SPG11: variants seen among roughly 807,000 people sequenced by gnomAD.
SPG11 encodes SPG11 vesicle trafficking associated, spatacsin.
Under a neutral mutation model 274.0 loss-of-function variants are expected in SPG11, and 222 were observed. The ratio of observed to expected loss-of-function variants is 0.81; its 90% confidence interval spans 0.73 to 0.91. The LOEUF is 0.91. Among genes scored for constraint, SPG11 ranks in the 40% least tolerant of loss-of-function variants. SPG11 has a pLI of 0.00. For missense variants in SPG11, 3,114 were observed against 2,872.7 expected (o/e 1.08, Z -1.92); for synonymous variants, 1,144 against 1,039.7 (o/e 1.10, Z -1.93).
chr15:44,657,976 G>A (rs986197838), intron 3 of SPG11, among the ~76,000 whole-genome samples: 6 of 152,298 alleles, frequency 3.9e-5, no homozygotes, highest in Admixed American at 2.0e-4. Context: ...GCAGTGAGCC[G>A]AGATCACGCC....
intron 10 of SPG11, among the ~76,000 whole-genome samples, chr15:44,627,158 C>A (rs534640312): frequency 6.6e-6 from 1 of 152,172 alleles, no homozygotes; most frequent in Admixed American, 6.5e-5. Context: ...TATATATTTA[C>A]AGAAAAATAT....
At chr15:44,663,242 GCTCGC>G in intron 1 of SPG11, 144 bp downstream of exon 1, 1 of 1,070,536 alleles carries the variant, frequency 9.3e-7, no homozygotes, top group South Asian at 1.5e-5. Flanking sequence ...AGGAAACCAC[GCTCGC>G]CTCTGGGGCG....
At chr15:44,581,743 T>C (rs1220953188) in intron 30 of SPG11, among the ~76,000 whole-genome samples, 1 of 151,774 alleles carries the variant, frequency 6.6e-6, no homozygotes, top group African/African-American at 2.4e-5. Context: ...GCAGAAGTAA[T>C]AAAAGACAAG....
At chr15:44,629,094 T>C (rs2083983914) in intron 9 of SPG11, 139 bp downstream of exon 9, 2 of 1,015,138 alleles carry the variant, frequency 2.0e-6, no homozygotes, top group Admixed American at 3.8e-5. Flanking sequence ...CCATTTCACT[T>C]ACTCAACTAC....
Position 44,608,331 on chromosome 15 carries a change from C to CTG in SPG11, c.3453+111_3453+112dup, listed in dbSNP as rs1440521802. The CTG allele has an allele frequency of 4.4e-6, 5 of 1,138,032 alleles. No homozygotes were observed. The African/African-American group carries it at 6.2e-5, about 14-fold the overall frequency. 70.5% of individuals were successfully genotyped at this position (1,138,032 alleles called of 1,614,324 possible). On this transcript the variant is annotated intron_variant, in intron 19 of 39. Coordinates refer to ENST00000261866, the MANE Select transcript of SPG11 (RefSeq NM_025137.4). ...TTGGTTTCCCCATTCTGCTATCATG[C>CTG]TGTGTAAGTAATTCCCTACATTAAA... is the stretch of plus-strand genomic sequence containing the variant.
rs1010693153 is a variant in SPG11 at position 44,613,274 on chromosome 15, C to T, written c.3145+156G>A. 9.8e-5 allele frequency among the ~76,000 whole-genome samples: 15 copies of T among 152,302 alleles called. 1 individual carries two copies. The highest frequency in any genetic ancestry group is 7.8e-4 in the Admixed American group (12 of 15,288). ...CTGATGGCTAACCTTTTTGGCCTTC[C>T]TTCTGCTTCTTACCTCAAGTGTGAG... On this transcript the variant is annotated intron_variant, in intron 17 of 39. Transcript: ENST00000261866.
intron 36 of SPG11, 140 bp downstream of exon 36, chr15:44,567,284 G>A: frequency 1.2e-6 from 1 of 832,298 alleles, no homozygotes; most frequent in South Asian, 1.6e-5. Context: ...CTGGGAGGCG[G>A]AGGTTGCAGG....
At chr15:44,577,628 T>C (rs1181948534) in intron 30 of SPG11, among the ~76,000 whole-genome samples, 1 of 152,082 alleles carries the variant, frequency 6.6e-6, no homozygotes, top group African/African-American at 2.4e-5. Flanking sequence ...TCTAGGTAAG[T>C]TGGTTATAAT....
At chr15:44,608,110 G>A (rs2083368317) in intron 19 of SPG11, among the ~76,000 whole-genome samples, 1 of 152,040 alleles carries the variant, frequency 6.6e-6, no homozygotes, top group African/African-American at 2.4e-5. Context: ...CATTTTCCTG[G>A]GGCATCTCCG....
rs764731214 is a variant in SPG11, at chr15:44,660,597, G to T, written c.277C>A (p.Arg93Ser). The T allele has an allele frequency of 6.2e-7, 1 of 1,613,942 alleles. No homozygotes were observed. Among genetic ancestry groups the T allele is most frequent in the Admixed American group, 1.7e-5 (1 of 60,008 alleles). The change falls in exon 2 of 40, where the codon CGT (arginine) becomes AGT (serine). Residue 93 changes from arginine to serine, a missense_variant. Coordinates refer to ENST00000261866, the MANE Select transcript of SPG11 (RefSeq NM_025137.4). ...PFWHFLWEDSRNSSTPTEKPK... is the reference protein window; with the variant it reads ...PFWHFLWEDSSNSSTPTEKPK... ...TTTTCAGTTGGTGTGCTGCTGTTAC[G>T]AGAATCCTCCCATAGAAAGCTAAGA... is the stretch of plus-strand genomic sequence containing the variant.
chr15:44,663,177 T>C (rs1320554553), intron 1 of SPG11, among the ~76,000 whole-genome samples: 1 of 152,224 alleles, frequency 6.6e-6, no homozygotes, highest in Non-Finnish European at 1.5e-5. Context: ...ACAGGAGAGC[T>C]GGGCTGCCAG....
intron 20 of SPG11, among the ~76,000 whole-genome samples, chr15:44,602,021 G>A (rs532653156): frequency 6.6e-6 from 1 of 152,262 alleles, no homozygotes; most frequent in Admixed American, 6.5e-5. Flanking sequence ...TTTTCAGACA[G>A]TTTGCTGTTG....
chr15:44,638,867 A>T (rs184311211), intron 7 of SPG11, among the ~76,000 whole-genome samples: 1 of 152,034 alleles, frequency 6.6e-6, no homozygotes, highest in East Asian at 1.9e-4. Context: ...GTGGGGGTGC[A>T]TGCCTGTAAT....
intron 17 of SPG11, 65 bp downstream of exon 17, chr15:44,613,365 T>C (rs2083509286): frequency 9.7e-7 from 1 of 1,035,676 alleles, no homozygotes; most frequent in Admixed American, 1.7e-5. Context: ...ACAAGTTTAA[T>C]ACCATTCAAC....
intron 4 of SPG11, among the ~76,000 whole-genome samples, chr15:44,652,640 T>C (rs1566827618): frequency 6.6e-6 from 1 of 151,702 alleles, no homozygotes; most frequent in Non-Finnish European, 1.5e-5. Context: ...AATGTGACTA[T>C]CAAGTCTAGC....
In SPG11 at chr15:44,571,953, C is replaced by T. The variant is rs953821488; in HGVS notation, c.6343+730G>A. 5.9e-5 allele frequency among the ~76,000 whole-genome samples: 9 copies of T among 152,264 alleles called. No individual in the cohort carries two copies. In the East Asian group the frequency reaches 7.7e-4, roughly 13 times the overall value. On this transcript the variant is annotated intron_variant, in intron 33 of 39. Transcript: ENST00000261866. The stretch of plus-strand genomic sequence containing the variant: ...ACTACAGGTGTGCACCACCATGCCC[C>T]GCTAAGTTTTTAAAAATATTTTTAG...
chr15:44,633,726 T>C, intron 7 of SPG11, 89 bp from the exon 8 acceptor site: 3 of 1,409,858 alleles, frequency 2.1e-6, no homozygotes, highest in Non-Finnish European at 2.9e-6. Context: ...CTTTAGAATT[T>C]AATGTGGTGA....
At chr15:44,622,509 T>A in intron 12 of SPG11, 162 bp from the exon 13 acceptor site, 1 of 747,204 alleles carries the variant, frequency 1.3e-6, no homozygotes, top group Non-Finnish European at 2.1e-6. Context: ...AACATTTGAG[T>A]TAATGTATGT....
chr15:44,611,104 A>G, intron 17 of SPG11, 119 bp from the exon 18 acceptor site: 2 of 870,828 alleles, frequency 2.3e-6, no homozygotes, highest in African/African-American at 1.8e-5. Flanking sequence ...AAAAAAAAAA[A>G]AAAAAAAAAA....
Sources: gnomAD v4.1 joint callset for allele counts (sites outside exome capture counted in the v4.1 genomes callset) on GRCh38, gnomAD v4.1.1 for gene constraint, MANE v1.5 for transcripts, NCBI Gene and HGNC (gene_info 2026-07-23, HGNC 2026-07-21) for gene names.